The following TOM1L1 variants were observed in gnomAD, a reference collection of about 807,000 sequenced individuals.
TOM1L1 encodes TOM1-like protein 1.
Under a neutral mutation model 63.4 loss-of-function variants are expected in TOM1L1, and 64 were observed. The observed-to-expected ratio is 1.01, with a 90% confidence interval of 0.83 to 1.24. The LOEUF is 1.24. TOM1L1 is among the 50% of genes most tolerant of loss of function. The pLI is 0.00. For synonymous variants in TOM1L1, 166 were observed against 194.4 expected, an observed-to-expected ratio of 0.85 and a Z score of 1.22; for missense variants, 536 against 567.0, an observed-to-expected ratio of 0.95 and a Z score of 0.55.
At position 54,930,112 on chromosome 17, in the gene TOM1L1, A is replaced by C; in HGVS notation, c.760A>C (p.Met254Leu). The C allele has an allele frequency of 1.2e-6, 2 of 1,614,142 alleles. No homozygotes were observed. The highest frequency in any genetic ancestry group is 1.7e-6 in the Non-Finnish European group (2 of 1,180,012). Residue 254 changes from methionine (M) to leucine (L), a missense_variant, in exon 8 of 16, where the codon ATG becomes CTG. Met to Leu is a conservative substitution (Grantham distance 15). Transcript: ENST00000575882. ...AGGTCGGGAGATGCAGGAGAGGATC[A>C]TGGACCTGCTTGTGGTGGTGGAGAA... is the stretch of plus-strand genomic sequence containing the variant. ...KTGREMQERI[M>L]DLLVVVENED...
chr17:54,957,319 T>C (rs1390064078), intron 14 of TOM1L1: 1 of 152,254 alleles, frequency 6.6e-6, no homozygotes, highest in African/African-American at 2.4e-5. Context: ...GTTTGAGAAA[T>C]TTCTCTAAGT....
chr17:54,925,818 C>T (rs1353380118), intron 7 of TOM1L1, among the ~76,000 whole-genome samples: 2 of 152,040 alleles, frequency 1.3e-5, no homozygotes, highest in Non-Finnish European at 2.9e-5. Flanking sequence ...GCATGAGAAT[C>T]GCTTGAACCC....
intron 7 of TOM1L1, chr17:54,916,787 G>A (rs188723857): frequency 1.3e-5 from 2 of 152,082 alleles, no homozygotes; most frequent in Admixed American, 6.6e-5. Context: ...CACTGCTGTC[G>A]TGAATAGTTT....
At chr17:54,945,591 G>T (rs2049105115) in intron 11 of TOM1L1, among the ~76,000 whole-genome samples, 1 of 151,862 alleles carries the variant, frequency 6.6e-6, no homozygotes, top group South Asian at 2.1e-4. Context: ...TGTTTAGATT[G>T]GACACTTTCT....
At chr17:54,960,891 G>C (rs2077104564) in intron 15 of TOM1L1, among the ~76,000 whole-genome samples, 1 of 152,166 alleles carries the variant, frequency 6.6e-6, no homozygotes, top group South Asian at 2.1e-4. Context: ...CAAAATAGAT[G>C]AGCAATAGGA....
intron 14 of TOM1L1, chr17:54,956,832 G>GT (rs1179759143): frequency 6.6e-6 from 1 of 150,412 alleles, no homozygotes; most frequent in Non-Finnish European, 1.5e-5. Context: ...TGACAGGAGG[G>GT]TTTTATGGGG....
intron 7 of TOM1L1, among the ~76,000 whole-genome samples, chr17:54,917,633 A>G (rs1201588513): frequency 6.6e-6 from 1 of 151,820 alleles, no homozygotes; most frequent in African/African-American, 2.4e-5. Context: ...CTCCTTTGCA[A>G]ATTTTTTGTT....
At chr17:54,936,929 TAAG>T (rs1232309896) in intron 9 of TOM1L1, among the ~76,000 whole-genome samples, 177 bp from the exon 10 acceptor site, 1 of 152,172 alleles carries the variant, frequency 6.6e-6, no homozygotes, top group Non-Finnish European at 1.5e-5. Flanking sequence ...AAGTTATTAA[TAAG>T]AAGCAGGAAC....
At chr17:54,925,728 AC>A (rs1390880049) in intron 7 of TOM1L1, among the ~76,000 whole-genome samples, 3 of 152,100 alleles carry the variant, frequency 2.0e-5, no homozygotes, top group Non-Finnish European at 2.9e-5. Flanking sequence ...ACATGGTGAA[AC>A]CCCGTCTCTA....
In TOM1L1 at chr17:54,938,917, G is replaced by C; in HGVS notation, c.1034-7G>C. ...TTAAAGCCAAACAAGTCCATTTTGT[G>C]TTTTAGATTTCAGCCTTCCAAGTTC... On this transcript the variant is annotated splice_polypyrimidine_tract_variant and splice_region_variant and intron_variant, in intron 10 of 15. Coordinates refer to ENST00000575882, the MANE Select transcript of TOM1L1 (RefSeq NM_005486.3). 6.3e-7 allele frequency: 1 copy of C among 1,590,960 alleles called. No homozygotes were observed. The highest frequency in any genetic ancestry group is 8.6e-7 in the Non-Finnish European group (1 of 1,164,440).
chr17:54,949,636 T>C lies in TOM1L1; in HGVS notation c.1288+13T>C. 6.3e-7 allele frequency: 1 copy of C among 1,591,268 alleles called. No individual in the cohort carries two copies. The highest frequency in any genetic ancestry group is 8.6e-7 in the Non-Finnish European group (1 of 1,159,280). On this transcript the variant is annotated intron_variant, in intron 13 of 15. Coordinates refer to ENST00000575882, the MANE Select transcript of TOM1L1 (RefSeq NM_005486.3). ...AGCAATCATCCAGGTACATGGGACCTTATTATTCGCATCAAATAAGGAAAC... is the reference window on the plus strand; with the variant it reads ...AGCAATCATCCAGGTACATGGGACCCTATTATTCGCATCAAATAAGGAAAC...
At chr17:54,952,279 T>C (rs759847908) in intron 14 of TOM1L1, 1 of 152,084 alleles carries the variant, frequency 6.6e-6, no homozygotes, top group Non-Finnish European at 1.5e-5. Context: ...TTAGGCCTGA[T>C]GTGGTGGCTC....
At chr17:54,909,656 A>G (rs2143754326) in intron 3 of TOM1L1, among the ~76,000 whole-genome samples, 1 of 152,250 alleles carries the variant, frequency 6.6e-6, no homozygotes, top group African/African-American at 2.4e-5. Context: ...ACAAGTCTCT[A>G]GAGGGAGATA....
intron 7 of TOM1L1, 47 bp from the exon 8 acceptor site, chr17:54,930,026 G>C: frequency 6.2e-7 from 1 of 1,611,918 alleles, no homozygotes. Flanking sequence ...TGTCTTTATA[G>C]AATGTTCCAA....
rs934239279 is a variant in TOM1L1, at chr17:54,961,591, T to C, written c.*358T>C. On this transcript the variant is annotated 3_prime_UTR_variant, in exon 16 of 16. Coordinates refer to ENST00000575882, the MANE Select transcript of TOM1L1 (RefSeq NM_005486.3). ...GTGATAAGAGTAGATTATTTTACTA[T>C]GAAATAATTCTGAATAGATGAAAGC... The C allele has an allele frequency of 1.5e-5, 19 of 1,230,522 alleles. No homozygotes were observed. Among genetic ancestry groups the C allele is most frequent in the African/African-American group, 7.8e-5 (5 of 64,330 alleles). The allele number at this position is 1,230,522 out of a possible 1,614,324, so 76.2% of individuals were successfully genotyped here.
intron 11 of TOM1L1, among the ~76,000 whole-genome samples, chr17:54,946,490 CTG>C (rs2049121464): frequency 6.6e-6 from 1 of 152,140 alleles, no homozygotes; most frequent in African/African-American, 2.4e-5. Context: ...GAAGATTCTT[CTG>C]TGTTTCAATT....
intron 3 of TOM1L1, among the ~76,000 whole-genome samples, chr17:54,911,938 T>C (rs1048351642): frequency 1.3e-5 from 2 of 152,192 alleles, no homozygotes; most frequent in East Asian, 3.8e-4. Context: ...CAAACTTCTC[T>C]ACAACCTGGA....
chr17:54,920,882 G>A (rs996767844), intron 7 of TOM1L1, among the ~76,000 whole-genome samples: 3 of 152,190 alleles, frequency 2.0e-5, no homozygotes, highest in African/African-American at 7.2e-5. Flanking sequence ...TCCCTAGAGA[G>A]GAGGATGTAG....
At chr17:54,907,577 TG>T (rs2048432504) in intron 3 of TOM1L1, among the ~76,000 whole-genome samples, 1 of 152,132 alleles carries the variant, frequency 6.6e-6, no homozygotes, top group Non-Finnish European at 1.5e-5. Flanking sequence ...AGATGTTGAC[TG>T]GATTAATGAT....
Sources: gnomAD v4.1 joint callset for allele counts (sites outside exome capture counted in the v4.1 genomes callset) on GRCh38, gnomAD v4.1.1 for gene constraint, MANE v1.5 for transcripts, NCBI Gene and HGNC (gene_info 2026-07-23, HGNC 2026-07-21) for gene names.